BLM: variants seen among roughly 807,000 people sequenced by gnomAD.
BLM encodes BLM RecQ like helicase.
In BLM, 95 loss-of-function variants were observed where a neutral mutation model predicts 135.3. The observed-to-expected ratio is 0.70, with a 90% CI of 0.59 to 0.83. BLM has a LOEUF of 0.83. BLM is among the 40% of genes least tolerant of loss of function. The pLI, the probability that BLM is intolerant of heterozygous loss-of-function variation, is 0.00. For missense variants in BLM, 1,518 were observed against 1,663.9 expected (o/e 0.91, Z 1.53); for synonymous variants, 520 against 589.2 (o/e 0.88, Z 1.70).
At position 90,782,749 on chromosome 15, in the gene BLM, C is replaced by T; in HGVS notation, c.2556-73C>T. On this transcript the variant is annotated intron_variant, in intron 12 of 21. Transcript: ENST00000355112. ...GGGGGTTAGGATTTTAGGGGGGACA[C>T]ATGTAGTCTATAACAATACCTAAAG... is the stretch of plus-strand genomic sequence containing the variant. The T allele has an allele frequency of 3.5e-6, 4 of 1,144,932 alleles. No homozygotes were observed. In the South Asian group the frequency reaches 5.2e-5, roughly 15 times the overall value. The allele number at this position is 1,144,932 out of a possible 1,614,324, so 70.9% of individuals were successfully genotyped here. A position where few individuals can be genotyped will look rare whatever the true frequency, so the allele number is the denominator to read the frequency against.
intron 14 of BLM, among the ~76,000 whole-genome samples, chr15:90,786,001 T>TC (rs202122618): frequency 1.1e-3 from 144 of 125,758 alleles, no homozygotes; most frequent in East Asian, 3.2e-3. Context: ...TTTCTTTCTT[T>TC]TTTTTTTTTT....
At chr15:90,806,649 A>G (rs1897292506) in intron 19 of BLM, among the ~76,000 whole-genome samples, 4 of 152,178 alleles carry the variant, frequency 2.6e-5, no homozygotes, top group South Asian at 4.1e-4. Context: ...AGTTATTTCC[A>G]TGGGCAGATA....
chr15:90,810,210 AC>A (rs1177019912), intron 20 of BLM, among the ~76,000 whole-genome samples: 1 of 151,504 alleles, frequency 6.6e-6, no homozygotes, highest in Non-Finnish European at 1.5e-5. Context: ...GCACCACCAC[AC>A]CTGACTTATT....
intron 1 of BLM, among the ~76,000 whole-genome samples, chr15:90,717,723 A>G (rs1464530299): frequency 6.6e-6 from 1 of 152,228 alleles, no homozygotes; most frequent in East Asian, 1.9e-4. Flanking sequence ...TGTTGCCCAT[A>G]TACTCCAGTG....
chr15:90,760,209 G>T lies in BLM; in HGVS notation c.1150G>T (p.Asp384Tyr). 1 of 1,613,428 alleles carries T rather than the reference G, an allele frequency of 6.2e-7. No individual in the cohort carries two copies. The highest frequency in any genetic ancestry group is 8.5e-7 in the Non-Finnish European group (1 of 1,179,590). Reference protein sequence around the residue: ...HVMEHICKLIDTIPDDKLKLL... With the variant: ...HVMEHICKLIYTIPDDKLKLL... ...GATGGAGCACATCTGTAAATTAATTGATACTATTCCTGATGATAAACTGAA... is the reference window on the plus strand; with the variant it reads ...GATGGAGCACATCTGTAAATTAATTTATACTATTCCTGATGATAAACTGAA... The change falls in exon 6 of 22, where the codon GAT (aspartate) becomes TAT (tyrosine). Residue 384 changes from aspartate (D) to tyrosine (Y), a missense_variant. Asp to Tyr is a radical substitution (Grantham distance 160). This residue lies in a region of BLM where 724 missense variants were observed against 756.9 expected (regional missense o/e 0.96). Coordinates refer to ENST00000355112, the MANE Select transcript of BLM (RefSeq NM_000057.4).
chr15:90,751,981 T>G, intron 4 of BLM, 35 bp downstream of exon 4: 1 of 1,539,714 alleles, frequency 6.5e-7, no homozygotes, highest in Non-Finnish European at 9.0e-7. Flanking sequence ...TATTATTTGT[T>G]TCTGGGATAC....
chr15:90,808,957 CTG>C, intron 19 of BLM, 178 bp from the exon 20 acceptor site: 1 of 767,810 alleles, frequency 1.3e-6, no homozygotes, highest in East Asian at 2.6e-5. Flanking sequence ...TTCCTGCCCT[CTG>C]TGCCTGTCTG....
Position 90,794,226 on chromosome 15 carries a change from G to T in BLM, c.3079G>T (p.Val1027Leu). The change falls in exon 16 of 22, where the codon GTA becomes TTA. Residue 1027 changes from valine to leucine, a missense_variant. Coordinates refer to ENST00000355112, the MANE Select transcript of BLM (RefSeq NM_000057.4). Reference sequence around the variant, plus strand: ...TCACTTCAATAATTTGTATAGCATGGTACATTACTGTGAAAATATAACGGA... The same window carrying T: ...TCACTTCAATAATTTGTATAGCATGTTACATTACTGTGAAAATATAACGGA... ...ETHFNNLYSM[V>L]HYCENITECR... 6.2e-7 allele frequency: 1 copy of T among 1,606,538 alleles called. No homozygotes were observed. Among genetic ancestry groups the T allele is most frequent in the Non-Finnish European group, 8.5e-7 (1 of 1,175,590 alleles).
At chr15:90,777,122 C>T (rs542978222) in intron 12 of BLM, among the ~76,000 whole-genome samples, 2 of 151,500 alleles carry the variant, frequency 1.3e-5, no homozygotes, top group African/African-American at 2.4e-5. Context: ...GGACTACAGG[C>T]ACATACTACC....
intron 4 of BLM, among the ~76,000 whole-genome samples, chr15:90,753,012 C>T (rs1895728915): frequency 1.3e-5 from 2 of 152,108 alleles, no homozygotes; most frequent in Non-Finnish European, 2.9e-5. Flanking sequence ...TTTCTTTACT[C>T]ATTAAAAATG....
At chr15:90,719,972 A>C (rs1894723584) in intron 1 of BLM, among the ~76,000 whole-genome samples, 1 of 152,214 alleles carries the variant, frequency 6.6e-6, no homozygotes, top group Non-Finnish European at 1.5e-5. Context: ...ACTAGTTCAT[A>C]GACTACTCTT....
At chr15:90,742,186 A>G (rs1283113476) in intron 1 of BLM, among the ~76,000 whole-genome samples, 1 of 152,210 alleles carries the variant, frequency 6.6e-6, no homozygotes, top group Admixed American at 6.5e-5. Context: ...AGGTTCATAA[A>G]TACCTCAACT....
Position 90,768,062 on chromosome 15 carries a change from C to T in BLM, c.2307+1039C>T, listed in dbSNP as rs12439865. On this transcript the variant is annotated intron_variant, in intron 10 of 21. Transcript: ENST00000355112. ...GGTTCAAGTGATTCTCCTGCCTCAGCCTCCCAAGTAGCTAGGAATACAGGT... is the reference window on the plus strand; with the variant it reads ...GGTTCAAGTGATTCTCCTGCCTCAGTCTCCCAAGTAGCTAGGAATACAGGT... Among the ~76,000 whole-genome samples, 655 of 151,696 alleles carry T rather than the reference C, an allele frequency of 4.3e-3. 11 individuals carry two copies. Among genetic ancestry groups the T allele is most frequent in the East Asian group, 0.029 (150 of 5,160 alleles).
At chr15:90,718,736 C>T (rs959839078) in intron 1 of BLM, among the ~76,000 whole-genome samples, 1 of 152,052 alleles carries the variant, frequency 6.6e-6, no homozygotes, top group Non-Finnish European at 1.5e-5. Context: ...CTATCAGTAA[C>T]CTGGAGAAGT....
intron 12 of BLM, 125 bp from the exon 13 acceptor site, chr15:90,782,697 G>A: frequency 1.4e-6 from 1 of 710,176 alleles, no homozygotes; most frequent in Non-Finnish European, 2.5e-6. Flanking sequence ...ATCTCCCGGA[G>A]GCTCCAACTC....
intron 3 of BLM, among the ~76,000 whole-genome samples, chr15:90,750,444 CCG>C (rs1895651975): frequency 6.6e-6 from 1 of 152,172 alleles, no homozygotes; most frequent in Non-Finnish European, 1.5e-5. Context: ...CCCTGCAATA[CCG>C]CGACAGTCAA....
intron 5 of BLM, among the ~76,000 whole-genome samples, chr15:90,756,392 C>T (rs374991966): frequency 2.8e-4 from 42 of 152,152 alleles, no homozygotes; most frequent in Non-Finnish European, 5.0e-4. Context: ...CGTGAGCCAC[C>T]GCGCCTGGCC....
intron 1 of BLM, among the ~76,000 whole-genome samples, chr15:90,723,142 C>T (rs535785931): frequency 1.3e-5 from 2 of 152,152 alleles, no homozygotes; most frequent in African/African-American, 4.8e-5. Flanking sequence ...GCTCCTGGCC[C>T]TATTGTCCCA....
chr15:90,791,791 A>G (rs1327056511), intron 15 of BLM, among the ~76,000 whole-genome samples: 3 of 152,086 alleles, frequency 2.0e-5, no homozygotes, highest in East Asian at 3.9e-4. Flanking sequence ...GGCATGTGCT[A>G]CCATGCCCAA....
Sources: allele counts gnomAD v4.1 joint callset (sites outside exome capture counted in the v4.1 genomes callset), GRCh38; gene constraint gnomAD v4.1.1; regional missense constraint gnomAD v4.1.1; transcripts MANE v1.5; gene names NCBI Gene and HGNC (gene_info 2026-07-23, HGNC 2026-07-21).